The following CA10 variants were observed in gnomAD, a reference collection of about 807,000 sequenced individuals.
CA10 encodes the protein carbonic anhydrase-related protein 10.
In CA10, 14 loss-of-function variants were observed where a neutral mutation model predicts 44.2. The observed-to-expected ratio is 0.32, with a 90% CI of 0.21 to 0.50. CA10 has a LOEUF of 0.50. CA10 is among the 20% of genes least tolerant of loss of function. The pLI is 0.99. For synonymous variants in CA10, 159 were observed against 141.6 expected, an observed-to-expected ratio of 1.12 and a Z score of -0.87; for missense variants, 350 against 409.7, an observed-to-expected ratio of 0.85 and a Z score of 1.26.
At chr17:51,957,418 T>C (rs1215845228) in intron 2 of CA10, among the ~76,000 whole-genome samples, 1 of 152,054 alleles carries the variant, frequency 6.6e-6, no homozygotes, top group Non-Finnish European at 1.5e-5. Context: ...TGCTACTCCC[T>C]GAATATATGA....
At chr17:52,105,580 G>A (rs1339005756) in intron 1 of CA10, among the ~76,000 whole-genome samples, 2 of 152,140 alleles carry the variant, frequency 1.3e-5, no homozygotes, top group Admixed American at 6.5e-5. Context: ...ATATTACTTT[G>A]AGCAAGGTTC....
intron 2 of CA10, among the ~76,000 whole-genome samples, chr17:51,997,728 T>C (rs1235049504): frequency 6.6e-6 from 1 of 152,044 alleles, no homozygotes; most frequent in African/African-American, 2.4e-5. Context: ...GAATTTTAGA[T>C]GTAACACAAT....
chr17:51,927,933 T>C (rs1264058289), intron 3 of CA10, among the ~76,000 whole-genome samples: 1 of 152,172 alleles, frequency 6.6e-6, no homozygotes, highest in African/African-American at 2.4e-5. Flanking sequence ...CAATTGGATG[T>C]TAAATTTAAC....
intron 4 of CA10, among the ~76,000 whole-genome samples, chr17:51,715,352 TATAATA>T (rs1254178359): frequency 3.0e-4 from 46 of 152,016 alleles, no homozygotes; most frequent in African/African-American, 1.0e-3. Flanking sequence ...AAACTTAAAA[TATAATA>T]ATAATAAAAT....
chr17:51,942,529 T>C (rs1281137783), intron 2 of CA10, among the ~76,000 whole-genome samples: 1 of 126,376 alleles, frequency 7.9e-6, no homozygotes, highest in Non-Finnish European at 1.7e-5. Context: ...GAAGGAAATC[T>C]TGCAGGCATT....
At chr17:52,009,237 A>G (rs1485032470) in intron 2 of CA10, among the ~76,000 whole-genome samples, 1 of 151,894 alleles carries the variant, frequency 6.6e-6, no homozygotes. Flanking sequence ...TTTCTATACC[A>G]TAAGACAGTG....
chr17:51,991,023 G>T (rs181722376), intron 2 of CA10, among the ~76,000 whole-genome samples: 1 of 152,186 alleles, frequency 6.6e-6, no homozygotes, highest in East Asian at 1.9e-4. Context: ...TGTGCCCTCG[G>T]GCAAGTTACT....
intron 2 of CA10, among the ~76,000 whole-genome samples, chr17:51,940,726 ACT>A (rs563835644): frequency 1.3e-5 from 2 of 151,538 alleles, no homozygotes; most frequent in South Asian, 4.2e-4. Context: ...AAAATTCAAA[ACT>A]CAGGTTGTTC....
chr17:51,972,222 G>T (rs1309562733), intron 2 of CA10, among the ~76,000 whole-genome samples: 1 of 151,976 alleles, frequency 6.6e-6, no homozygotes, highest in Non-Finnish European at 1.5e-5. Context: ...GTCATGGAAA[G>T]GTTCAGACTG....
At chr17:51,810,726 A>C (rs1567847203) in intron 3 of CA10, among the ~76,000 whole-genome samples, 1 of 152,216 alleles carries the variant, frequency 6.6e-6, no homozygotes, top group African/African-American at 2.4e-5. Flanking sequence ...AAGACACATT[A>C]GGGTGACACA....
At chr17:51,969,005 T>C (rs1256806349) in intron 2 of CA10, among the ~76,000 whole-genome samples, 1 of 152,014 alleles carries the variant, frequency 6.6e-6, no homozygotes, top group Non-Finnish European at 1.5e-5. Context: ...GCTCAGGTCT[T>C]AAAGAATCAT....
intron 2 of CA10, among the ~76,000 whole-genome samples, chr17:52,010,601 T>C (rs1159691672): frequency 6.6e-6 from 1 of 151,646 alleles, no homozygotes; most frequent in Non-Finnish European, 1.5e-5. Flanking sequence ...GAAGATACAT[T>C]GGACTTTGGG....
At chr17:52,033,735 A>G (rs1172344300) in intron 2 of CA10, among the ~76,000 whole-genome samples, 1 of 152,234 alleles carries the variant, frequency 6.6e-6, no homozygotes, top group Non-Finnish European at 1.5e-5. Context: ...TTTAATGTAT[A>G]CATTAAAAGG....
intron 3 of CA10, among the ~76,000 whole-genome samples, chr17:51,760,659 T>A (rs1372038611): frequency 6.6e-6 from 1 of 152,238 alleles, no homozygotes; most frequent in Non-Finnish European, 1.5e-5. Context: ...GAATCATTTT[T>A]AAAATGAAAT....
At chr17:51,805,635 T>C (rs1907100596) in intron 3 of CA10, among the ~76,000 whole-genome samples, 1 of 152,226 alleles carries the variant, frequency 6.6e-6, no homozygotes, top group Non-Finnish European at 1.5e-5. Flanking sequence ...TTACATACCA[T>C]AAAATTCACC....
chr17:51,666,748 A>G (rs1355637028), intron 4 of CA10, among the ~76,000 whole-genome samples: 2 of 152,246 alleles, frequency 1.3e-5, no homozygotes, highest in African/African-American at 4.8e-5. Context: ...ACCACAAATT[A>G]TTTAGTGATT....
intron 3 of CA10, among the ~76,000 whole-genome samples, chr17:51,855,080 T>G (rs1978980445): frequency 6.6e-6 from 1 of 152,170 alleles, no homozygotes; most frequent in South Asian, 2.1e-4. Flanking sequence ...GCACCAGTTT[T>G]GGATTTAAAT....
chr17:51,989,683 T>C (rs758134975), intron 2 of CA10, among the ~76,000 whole-genome samples: 38 of 152,062 alleles, frequency 2.5e-4, no homozygotes, highest in Non-Finnish European at 4.1e-4. Flanking sequence ...CCATTATCCT[T>C]AGCAAACTAA....
chr17:51,663,713 G>A (rs1418724674), intron 4 of CA10, among the ~76,000 whole-genome samples: 2 of 152,204 alleles, frequency 1.3e-5, no homozygotes, highest in Non-Finnish European at 2.9e-5. Flanking sequence ...GAGTTGCAGT[G>A]ATTATTATTA....
Sources: gnomAD v4.1 joint callset for allele counts (sites outside exome capture counted in the v4.1 genomes callset) on GRCh38, gnomAD v4.1.1 for gene constraint, MANE v1.5 for transcripts, NCBI Gene and HGNC (gene_info 2026-07-23, HGNC 2026-07-21) for gene names.